Variants in ZNF330 observed in about 807,000 individuals in gnomAD.
ZNF330 encodes the protein nucleolar atypical zinc finger.
A neutral mutation model predicts 45.5 loss-of-function variants in ZNF330; 31 were observed. The observed-to-expected ratio is 0.68, with a 90% CI of 0.51 to 0.92. ZNF330 has a LOEUF of 0.92. Among genes scored for constraint, ZNF330 ranks in the 40% least tolerant of loss-of-function variants. The pLI is 0.00. For synonymous variants in ZNF330, 138 were observed against 123.2 expected (o/e 1.12, Z -0.79); for missense variants, 356 against 387.4 (o/e 0.92, Z 0.68).
In ZNF330 at chr4:141,229,554, T is replaced by G; in HGVS notation, c.292-17T>G. The G allele has an allele frequency of 1.2e-6, 2 of 1,612,396 alleles. No individual in the cohort carries two copies. Among genetic ancestry groups the G allele is most frequent in the Non-Finnish European group, 1.7e-6 (2 of 1,178,788 alleles). On this transcript the variant is annotated splice_polypyrimidine_tract_variant and intron_variant, in intron 5 of 9. Coordinates refer to ENST00000262990, the MANE Select transcript of ZNF330 (RefSeq NM_014487.6). ...GTCAGGTGATAATGATTATGTATTC[T>G]TGTTCCTTGGTTACAGGGTGCAATA...
chr4:141,229,489 A>G lies in ZNF330; in HGVS notation c.292-82A>G, dbSNP rs554074350. On this transcript the variant is annotated intron_variant, in intron 5 of 9. Transcript: ENST00000262990. Reference sequence around the variant, plus strand: ...GGTTGATAAATTGCTAAATGTATACAGTTTTGATGGTTGCCGTGGTTAAAG... The same window carrying G: ...GGTTGATAAATTGCTAAATGTATACGGTTTTGATGGTTGCCGTGGTTAAAG... The G allele has an allele frequency of 8.3e-6, 13 of 1,563,484 alleles. No individual in the cohort carries two copies. The East Asian group carries it at 2.7e-4, about 33-fold the overall frequency.
intron 2 of ZNF330, 54 bp from the exon 3 acceptor site, chr4:141,224,433 A>G: frequency 6.5e-7 from 1 of 1,537,968 alleles, no homozygotes; most frequent in South Asian, 1.2e-5. Flanking sequence ...ATACAAGTAA[A>G]TTTGCAGTTT....
rs1367571469 is a variant in ZNF330 at position 141,233,930 on chromosome 4, T to A, written c.904T>A (p.Leu302Met). Residue 302 changes from leucine to methionine, a missense_variant, in exon 10 of 10, where the codon TTG becomes ATG. Coordinates refer to ENST00000262990, the MANE Select transcript of ZNF330 (RefSeq NM_014487.6). ...DTESSDLFTN[L>M]NLGRTYASGY... ...TGAGTCATCAGATTTGTTTACTAAT[T>A]TGAATTTAGGAAGGACCTATGCTAG... 2 of 1,613,694 alleles carry A rather than the reference T, an allele frequency of 1.2e-6. No individual in the cohort carries two copies. Among genetic ancestry groups the A allele is most frequent in the Non-Finnish European group, 1.7e-6 (2 of 1,179,744 alleles).
chr4:141,225,724 A>T (rs1330251937), intron 4 of ZNF330, among the ~76,000 whole-genome samples: 2 of 152,100 alleles, frequency 1.3e-5, no homozygotes, highest in Non-Finnish European at 2.9e-5. Context: ...CCTATATGGA[A>T]CACTCATATG....
chr4:141,228,557 C>T (rs1057046676), intron 5 of ZNF330, among the ~76,000 whole-genome samples: 7 of 152,104 alleles, frequency 4.6e-5, no homozygotes, highest in African/African-American at 1.7e-4. Context: ...AAGAACTTCC[C>T]TGTCCTCTGC....
chr4:141,232,526 C>T lies in ZNF330; in HGVS notation c.572C>T (p.Ala191Val). The T allele has an allele frequency of 1.3e-6, 2 of 1,554,230 alleles. No homozygotes were observed. Among genetic ancestry groups the T allele is most frequent in the East Asian group, 2.3e-5 (1 of 43,256 alleles). The part of the protein sequence containing the change: ...LGQHSCLRCK[A>V]CFCDDHTRSK... ...CTTTATTTTGCTTCTCCTATACAGG[C>T]TTGTTTCTGTGATGATCATACAAGG... The change falls in exon 9 of 10, where the codon GCT becomes GTT. Residue 191 changes from alanine (A) to valine (V), a missense_variant and splice_region_variant. By Grantham distance (64) the Ala-to-Val change is moderately conservative (BLOSUM62 0). Coordinates refer to ENST00000262990, the MANE Select transcript of ZNF330 (RefSeq NM_014487.6).
chr4:141,229,391 C>A (rs1398607930), intron 5 of ZNF330, among the ~76,000 whole-genome samples, 180 bp from the exon 6 acceptor site: 1 of 151,972 alleles, frequency 6.6e-6, no homozygotes, highest in Admixed American at 6.6e-5. Context: ...AGTTGTTTTT[C>A]AGAGAACCCT....
intron 2 of ZNF330, among the ~76,000 whole-genome samples, chr4:141,223,401 C>T (rs1728730860): frequency 2.0e-5 from 3 of 152,176 alleles, no homozygotes; most frequent in African/African-American, 4.8e-5. Context: ...CCTGGAACAA[C>T]TTGTAGTTCT....
chr4:141,232,702 C>CA, intron 9 of ZNF330, 60 bp downstream of exon 9: 3 of 715,850 alleles, frequency 4.2e-6, no homozygotes, highest in Non-Finnish European at 6.1e-6. Context: ...CAAAGTTTAT[C>CA]TTTTTTTTTT....
rs2111263308 is a variant in ZNF330 at position 141,234,126 on chromosome 4, A to G, written c.*137A>G. 1.4e-6 allele frequency: 2 copies of G among 1,427,456 alleles called. No homozygotes were observed. The highest frequency in any genetic ancestry group is 1.8e-6 in the Non-Finnish European group (2 of 1,093,394). The allele number at this position is 1,427,456 out of a possible 1,614,324, so 88.4% of individuals were successfully genotyped here. A position where few individuals can be genotyped will look rare whatever the true frequency, so the allele number is the denominator to read the frequency against. On this transcript the variant is annotated 3_prime_UTR_variant, in exon 10 of 10. Transcript: ENST00000262990. ...CTAGTTACACTTAATGGGCCAAGCA[A>G]TAGGGTGTAGCGTTTTTATAGAACT... is the stretch of plus-strand genomic sequence containing the variant.
Position 141,230,217 on chromosome 4 carries a change from A to G in ZNF330, c.470A>G (p.Asp157Gly). The G allele has an allele frequency of 6.2e-7, 1 of 1,611,930 alleles. No homozygotes were observed. Among genetic ancestry groups the G allele is most frequent in the Non-Finnish European group, 8.5e-7 (1 of 1,178,806 alleles). The change falls in exon 7 of 10, where the codon GAT becomes GGT. Residue 157 changes from aspartate (D) to glycine (G), a missense_variant. Asp to Gly is a moderately conservative substitution (Grantham distance 94). Coordinates refer to ENST00000262990, the MANE Select transcript of ZNF330 (RefSeq NM_014487.6). ...SFCHNFLCED[D>G]QFEHQASCQV... ...TGCCATAACTTTCTCTGTGAAGATG[A>G]TCAATTTGAGCATCAAGCCAGCTGC...
chr4:141,226,478 A>G (rs1186292994), intron 4 of ZNF330, among the ~76,000 whole-genome samples: 1 of 152,190 alleles, frequency 6.6e-6, no homozygotes, highest in Non-Finnish European at 1.5e-5. Flanking sequence ...TCATTAGATT[A>G]CAAAGCATAA....
In ZNF330 at chr4:141,234,653, A is replaced by C. The variant is rs1560790086; in HGVS notation, c.*664A>C. 6.6e-6 allele frequency: 1 copy of C among 152,176 alleles called. No individual in the cohort carries two copies. The highest frequency in any genetic ancestry group is 1.5e-5 in the Non-Finnish European group (1 of 68,018). The allele number at this position is 152,176 out of a possible 1,614,324, so 9.4% of individuals were successfully genotyped here. A position where few individuals can be genotyped will look rare whatever the true frequency, so the allele number is the denominator to read the frequency against. On this transcript the variant is annotated 3_prime_UTR_variant, in exon 10 of 10. Transcript: ENST00000262990. ...TAGTATTATTACAGAAGCTTTACCC[A>C]GGACATTTTATTTCTCTTTGAATAA... is the stretch of plus-strand genomic sequence containing the variant.
chr4:141,233,975 G>GAAC lies in ZNF330; in HGVS notation c.952_954dup (p.Gln318dup). ...TGCTAGTGGCTATGCTCACTATGAG[G>GAAC]AACAAGAGAACTAGGGGAGCTGCTC... On this transcript the variant is annotated inframe_insertion, in exon 10 of 10. Coordinates refer to ENST00000262990, the MANE Select transcript of ZNF330 (RefSeq NM_014487.6). 2 of 1,612,188 alleles carry GAAC rather than the reference G, an allele frequency of 1.2e-6. No homozygotes were observed. The highest frequency in any genetic ancestry group is 1.7e-4 in the Middle Eastern group (1 of 6,042).
chr4:141,221,373 G>C (rs1292529269), intron 1 of ZNF330, among the ~76,000 whole-genome samples: 2 of 152,126 alleles, frequency 1.3e-5, no homozygotes, highest in African/African-American at 4.8e-5. Flanking sequence ...TGAGCGTGCA[G>C]AACAAACTGG....
Position 141,229,686 on chromosome 4 carries a change from T to A in ZNF330, c.407T>A (p.Val136Glu), listed in dbSNP as rs1397448177. Residue 136 changes from valine (V) to glutamate (E), a missense_variant, in exon 6 of 10, where the codon GTG (valine) becomes GAG (glutamate). Val to Glu is a moderately radical substitution (Grantham distance 121). Transcript: ENST00000262990. Reference protein sequence around the residue: ...DAECVECERGVWDHGGRIFSC... With the variant: ...DAECVECERGEWDHGGRIFSC... ...GAGTGTGTTGAATGTGAACGAGGCGTGTGGGACCATGGTGAGTCATTAGAC... is the reference window on the plus strand; with the variant it reads ...GAGTGTGTTGAATGTGAACGAGGCGAGTGGGACCATGGTGAGTCATTAGAC... The A allele has an allele frequency of 6.2e-7, 1 of 1,613,030 alleles. No individual in the cohort carries two copies. The highest frequency in any genetic ancestry group is 1.7e-5 in the Admixed American group (1 of 59,958).
intron 4 of ZNF330, among the ~76,000 whole-genome samples, chr4:141,225,353 G>A (rs1035661936): frequency 4.6e-4 from 70 of 151,896 alleles, no homozygotes; most frequent in Non-Finnish European, 2.5e-4. Flanking sequence ...AATATATATC[G>A]ATATACATTT....
At chr4:141,232,131 T>G (rs764603234) in intron 8 of ZNF330, among the ~76,000 whole-genome samples, 12 of 152,096 alleles carry the variant, frequency 7.9e-5, no homozygotes, top group Non-Finnish European at 1.6e-4. Context: ...TTTAGTGCCC[T>G]TCCCTCTGCA....
chr4:141,224,009 G>A (rs75693507), intron 2 of ZNF330: 2,939 of 291,758 alleles, frequency 0.01, 81 homozygotes, highest in African/African-American at 0.06. Flanking sequence ...AGATTGTGGA[G>A]AGCTTTTAAA....
Sources: gnomAD v4.1 joint callset for allele counts (sites outside exome capture counted in the v4.1 genomes callset) on GRCh38, gnomAD v4.1.1 for gene constraint, MANE v1.5 for transcripts, NCBI Gene and HGNC (gene_info 2026-07-23, HGNC 2026-07-21) for gene names.